The following ARID5B variants were observed in gnomAD, a reference collection of about 807,000 sequenced individuals.
The protein encoded by ARID5B is AT-rich interaction domain 5B.
A neutral mutation model predicts 97.2 loss-of-function variants in ARID5B; 13 were observed. The ratio of observed to expected loss-of-function variants is 0.13; its 90% CI spans 0.09 to 0.21. The LOEUF (loss-of-function observed/expected upper bound fraction) is 0.21, where lower values mean the gene tolerates loss of function less well. Ranked by LOEUF, ARID5B falls within the 10% of genes least tolerant of loss-of-function variation. The pLI is 1.00. For synonymous variants in ARID5B, 556 were observed against 570.3 expected (o/e 0.97, Z 0.36); for missense variants, 1,210 against 1,465.3 (o/e 0.83, Z 2.84).
intron 3 of ARID5B, among the ~76,000 whole-genome samples, chr10:61,947,390 T>C (rs1838254551): frequency 6.7e-6 from 1 of 150,170 alleles, no homozygotes; most frequent in Non-Finnish European, 1.5e-5. Flanking sequence ...TGCCTCAGCC[T>C]CCCAAGTAGC....
chr10:62,083,729 G>C (rs1840245914), intron 8 of ARID5B, among the ~76,000 whole-genome samples: 1 of 152,150 alleles, frequency 6.6e-6, no homozygotes, highest in Non-Finnish European at 1.5e-5. Context: ...TTCCATTAAA[G>C]TCAATTTAAA....
chr10:62,065,362 C>T (rs1839972804), intron 7 of ARID5B, among the ~76,000 whole-genome samples: 1 of 152,192 alleles, frequency 6.6e-6, no homozygotes, highest in Non-Finnish European at 1.5e-5. Flanking sequence ...CTTTTCGTGA[C>T]ACCATCTCAC....
intron 2 of ARID5B, among the ~76,000 whole-genome samples, chr10:61,913,688 C>T (rs1843847996): frequency 1.3e-5 from 2 of 152,180 alleles, no homozygotes; most frequent in Non-Finnish European, 2.9e-5. Context: ...TGGGGGACAT[C>T]ACTTTTATAA....
chr10:62,090,889 G>A lies in ARID5B; in HGVS notation c.1426G>A (p.Glu476Lys), dbSNP rs1050761731. ...EVSSEQEKEQ[E>K]TLISQKSIPE... ...TTCATCAGAGCAAGAAAAAGAACAA[G>A]AGACTTTAATAAGCCAGAAAAGCAT... is the stretch of plus-strand genomic sequence containing the variant. Residue 476 changes from glutamate to lysine, a missense_variant, in exon 10 of 10, where the codon GAG (glutamate) becomes AAG (lysine). Around this residue, in one of 8 missense-constraint regions of ARID5B, gnomAD observed 800 missense variants for 839.1 expected, o/e 0.95. Coordinates refer to ENST00000279873, the MANE Select transcript of ARID5B (RefSeq NM_032199.3). 1 of 1,589,804 alleles carries A rather than the reference G, an allele frequency of 6.3e-7. No individual in the cohort carries two copies. Among genetic ancestry groups the A allele is most frequent in the African/African-American group, 1.4e-5 (1 of 72,958 alleles).
chr10:61,980,606 C>A (rs776763766), intron 3 of ARID5B, among the ~76,000 whole-genome samples: 1 of 152,200 alleles, frequency 6.6e-6, no homozygotes, highest in Non-Finnish European at 1.5e-5. Context: ...TGTATTATAA[C>A]CATCTTGGAA....
chr10:61,993,130 C>T (rs746357086), intron 3 of ARID5B, among the ~76,000 whole-genome samples: 3,692 of 149,126 alleles, frequency 0.025, 53 homozygotes, highest in Middle Eastern at 0.041. Context: ...TACACACACA[C>T]ACACACACAC....
At chr10:61,982,084 A>G (rs1838784564) in intron 3 of ARID5B, among the ~76,000 whole-genome samples, 1 of 152,130 alleles carries the variant, frequency 6.6e-6, no homozygotes, top group African/African-American at 2.4e-5. Context: ...TCACTTCTCC[A>G]CGTGTTGGAA....
intron 3 of ARID5B, among the ~76,000 whole-genome samples, chr10:61,985,823 T>G (rs2132850606): frequency 6.6e-6 from 1 of 152,204 alleles, no homozygotes; most frequent in Admixed American, 6.5e-5. Flanking sequence ...TTGTCTTCAC[T>G]TAGGCTGAAA....
chr10:61,983,666 G>A (rs187910283), intron 3 of ARID5B, among the ~76,000 whole-genome samples: 6 of 151,430 alleles, frequency 4.0e-5, no homozygotes, highest in African/African-American at 1.2e-4. Context: ...TAGTAATATC[G>A]TTCATTATTG....
At chr10:62,021,846 C>T (rs576252184) in intron 4 of ARID5B, among the ~76,000 whole-genome samples, 40 of 152,268 alleles carry the variant, frequency 2.6e-4, no homozygotes, top group African/African-American at 7.0e-4. Flanking sequence ...ATTTTATAGC[C>T]GGGTCTTTAA....
At chr10:61,960,251 C>T (rs191943853) in intron 3 of ARID5B, among the ~76,000 whole-genome samples, 16 of 152,232 alleles carry the variant, frequency 1.1e-4, no homozygotes, top group East Asian at 1.9e-4. Context: ...GGAAATACTA[C>T]GTACAGTAAT....
intron 3 of ARID5B, among the ~76,000 whole-genome samples, chr10:61,979,818 G>C (rs972163653): frequency 1.3e-5 from 2 of 152,186 alleles, no homozygotes; most frequent in Non-Finnish European, 2.9e-5. Context: ...TAGGCCGAGC[G>C]TGGTGGCTCA....
At chr10:61,970,319 T>TC (rs1261936674) in intron 3 of ARID5B, among the ~76,000 whole-genome samples, 1 of 152,250 alleles carries the variant, frequency 6.6e-6, no homozygotes, top group Non-Finnish European at 1.5e-5. Context: ...TTGACCATAA[T>TC]CTATGGGTAG....
chr10:62,086,517 C>T (rs368528689), intron 9 of ARID5B, among the ~76,000 whole-genome samples: 15 of 151,682 alleles, frequency 9.9e-5, no homozygotes, highest in African/African-American at 1.9e-4. Context: ...CTGGCTAACA[C>T]GGTGAAACCC....
At chr10:62,035,881 G>A (rs1177183764) in intron 4 of ARID5B, among the ~76,000 whole-genome samples, 1 of 152,104 alleles carries the variant, frequency 6.6e-6, no homozygotes, top group Non-Finnish European at 1.5e-5. Flanking sequence ...CTGGAGTGCA[G>A]TGGCACGATC....
chr10:62,013,426 ATACT>A (rs1393819401), intron 4 of ARID5B, among the ~76,000 whole-genome samples: 1 of 152,172 alleles, frequency 6.6e-6, no homozygotes, highest in African/African-American at 2.4e-5. Context: ...ATTACCTCAC[ATACT>A]TAACTTTTTT....
At chr10:61,928,854 T>C (rs1844154012) in intron 2 of ARID5B, among the ~76,000 whole-genome samples, 1 of 152,094 alleles carries the variant, frequency 6.6e-6, no homozygotes, top group African/African-American at 2.4e-5. Flanking sequence ...CCTCTGTAGA[T>C]ATCCCATTAG....
At position 61,949,164 on chromosome 10, in the gene ARID5B, C is replaced by T. The variant is rs74156292; in HGVS notation, c.502+8756C>T. Among the ~76,000 whole-genome samples the T allele has an allele frequency of 2.5e-3, 388 of 152,322 alleles. 2 individuals are homozygous for T. The highest frequency in any genetic ancestry group is 8.6e-3 in the African/African-American group (356 of 41,560). On this transcript the variant is annotated intron_variant, in intron 3 of 9. Coordinates refer to ENST00000279873, the MANE Select transcript of ARID5B (RefSeq NM_032199.3). ...CTACAGTTGAAGACCAGCTTGGTGT[C>T]TGAGAGTCTGTTTAAGCTATTCCAA...
chr10:61,951,099 C>G (rs1838319070), intron 3 of ARID5B, among the ~76,000 whole-genome samples: 1 of 152,206 alleles, frequency 6.6e-6, no homozygotes, highest in Admixed American at 6.5e-5. Context: ...TCACTCCTCT[C>G]CTGTAACATT....
Sources: allele counts gnomAD v4.1 joint callset (sites outside exome capture counted in the v4.1 genomes callset), GRCh38; gene constraint gnomAD v4.1.1; regional missense constraint gnomAD v4.1.1; transcripts MANE v1.5; gene names NCBI Gene and HGNC (gene_info 2026-07-23, HGNC 2026-07-21).